Variants in PDZRN4 observed in about 807,000 individuals in gnomAD.
PDZRN4 encodes the protein PDZ domain containing ring finger 4.
Under a neutral mutation model 99.0 loss-of-function variants are expected in PDZRN4, and 70 were observed. The observed-to-expected ratio is 0.71, with a 90% CI of 0.58 to 0.86. PDZRN4 has a LOEUF of 0.86. Ranked by LOEUF, PDZRN4 falls within the 40% of genes least tolerant of loss-of-function variation. The probability of loss-of-function intolerance (pLI) is 0.00; values close to 1 mark genes in which losing one functional copy is unlikely to be tolerated. For synonymous variants in PDZRN4, 551 were observed against 501.6 expected, an observed-to-expected ratio of 1.10 and a Z score of -1.32; for missense variants, 1,474 against 1,331.2, an observed-to-expected ratio of 1.11 and a Z score of -1.67.
At chr12:41,510,906 A>G (rs1938293803) in intron 5 of PDZRN4, among the ~76,000 whole-genome samples, 1 of 152,140 alleles carries the variant, frequency 6.6e-6, no homozygotes, top group South Asian at 2.1e-4. Context: ...ACAACTGGTA[A>G]CTGAGTAGAT....
chr12:41,310,540 A>T (rs1350969970), intron 3 of PDZRN4, among the ~76,000 whole-genome samples: 1 of 152,114 alleles, frequency 6.6e-6, no homozygotes, highest in Non-Finnish European at 1.5e-5. Context: ...TGCTATCCTT[A>T]GGACCTAAGT....
chr12:41,378,662 A>G (rs1592035108), intron 3 of PDZRN4, among the ~76,000 whole-genome samples: 1 of 151,688 alleles, frequency 6.6e-6, no homozygotes, highest in East Asian at 1.9e-4. Flanking sequence ...AGCTGGGATT[A>G]CAGGTGCATG....
intron 3 of PDZRN4, among the ~76,000 whole-genome samples, chr12:41,361,931 C>G (rs1951966039): frequency 6.6e-6 from 1 of 151,986 alleles, no homozygotes; most frequent in Non-Finnish European, 1.5e-5. Context: ...TCGCGTCGCA[C>G]CAGCTCCTAC....
intron 3 of PDZRN4, among the ~76,000 whole-genome samples, chr12:41,367,874 A>T (rs1952013262): frequency 6.6e-6 from 1 of 152,122 alleles, no homozygotes; most frequent in Admixed American, 6.6e-5. Context: ...CAAAAGGCAG[A>T]AGGATTCTTT....
intron 3 of PDZRN4, among the ~76,000 whole-genome samples, chr12:41,356,901 G>C (rs572647202): frequency 6.6e-6 from 1 of 151,922 alleles, no homozygotes; most frequent in Non-Finnish European, 1.5e-5. Context: ...TCATTGTTGA[G>C]TGATTTTAAG....
intron 4 of PDZRN4, 138 bp downstream of exon 4, chr12:41,506,850 C>A: frequency 2.1e-6 from 2 of 930,914 alleles, no homozygotes; most frequent in Non-Finnish European, 1.6e-6. Context: ...AAATGTCTCC[C>A]CTGTTTTGAT....
intron 5 of PDZRN4, among the ~76,000 whole-genome samples, chr12:41,539,445 A>G (rs529080481): frequency 6.6e-6 from 1 of 152,212 alleles, no homozygotes; most frequent in Admixed American, 6.5e-5. Context: ...AACAAGAAAA[A>G]GAACAGAGAA....
chr12:41,266,534 C>A (rs1951278424), intron 3 of PDZRN4, among the ~76,000 whole-genome samples: 1 of 152,170 alleles, frequency 6.6e-6, no homozygotes, highest in African/African-American at 2.4e-5. Context: ...CCAGGCTACT[C>A]TTTGACCCAG....
chr12:41,449,821 T>C (rs532761853), intron 3 of PDZRN4, among the ~76,000 whole-genome samples: 5 of 152,360 alleles, frequency 3.3e-5, no homozygotes, highest in African/African-American at 9.6e-5. Flanking sequence ...CACTATTTTG[T>C]GTAAAAATAC....
At chr12:41,371,763 G>A (rs1402385682) in intron 3 of PDZRN4, among the ~76,000 whole-genome samples, 1 of 152,150 alleles carries the variant, frequency 6.6e-6, no homozygotes, top group Non-Finnish European at 1.5e-5. Context: ...GCATTTTAAT[G>A]TATGTGTTGT....
At chr12:41,352,404 T>G (rs1951896935) in intron 3 of PDZRN4, among the ~76,000 whole-genome samples, 1 of 152,132 alleles carries the variant, frequency 6.6e-6, no homozygotes, top group South Asian at 2.1e-4. Context: ...GGTGATTTAT[T>G]TGGGTGACTG....
At chr12:41,363,331 A>G (rs1243285832) in intron 3 of PDZRN4, among the ~76,000 whole-genome samples, 1 of 152,138 alleles carries the variant, frequency 6.6e-6, no homozygotes, top group Admixed American at 6.6e-5. Context: ...TTATTTAAGA[A>G]CATATTTGAA....
At chr12:41,333,459 A>G (rs2120998235) in intron 3 of PDZRN4, among the ~76,000 whole-genome samples, 1 of 152,226 alleles carries the variant, frequency 6.6e-6, no homozygotes, top group South Asian at 2.1e-4. Context: ...TTGGCTCCTC[A>G]GTGGTCTGAC....
intron 3 of PDZRN4, among the ~76,000 whole-genome samples, chr12:41,411,374 T>C (rs142991779): frequency 2.6e-5 from 4 of 152,284 alleles, no homozygotes; most frequent in African/African-American, 9.6e-5. Context: ...AAGATGGCAG[T>C]CCCATGTGCC....
At chr12:41,360,602 A>G (rs1402535935) in intron 3 of PDZRN4, among the ~76,000 whole-genome samples, 1 of 152,108 alleles carries the variant, frequency 6.6e-6, no homozygotes. Flanking sequence ...AGAACACTGC[A>G]TAGTGAGTTA....
intron 3 of PDZRN4, among the ~76,000 whole-genome samples, chr12:41,297,661 A>G (rs1466083639): frequency 6.6e-6 from 1 of 152,154 alleles, no homozygotes; most frequent in East Asian, 1.9e-4. Context: ...GACATATAAA[A>G]TATTCCTCTT....
intron 3 of PDZRN4, among the ~76,000 whole-genome samples, chr12:41,457,589 C>A (rs1331531664): frequency 6.6e-6 from 1 of 151,952 alleles, no homozygotes; most frequent in Non-Finnish European, 1.5e-5. Flanking sequence ...TTATTGTGTC[C>A]ATTTGAGTCA....
At chr12:41,525,087 A>T (rs1333254304) in intron 5 of PDZRN4, among the ~76,000 whole-genome samples, 1 of 152,106 alleles carries the variant, frequency 6.6e-6, no homozygotes, top group Admixed American at 6.6e-5. Flanking sequence ...GGAGGCAAAA[A>T]TCAGGAGTTT....
At chr12:41,200,187 C>T (rs1028405263) in intron 3 of PDZRN4, among the ~76,000 whole-genome samples, 4 of 152,110 alleles carry the variant, frequency 2.6e-5, no homozygotes, top group East Asian at 3.9e-4. Context: ...GAGGCAGCCT[C>T]ATAGCTTCAG....
Sources: gnomAD v4.1 joint callset for allele counts (sites outside exome capture counted in the v4.1 genomes callset) on GRCh38, gnomAD v4.1.1 for gene constraint, MANE v1.5 for transcripts, NCBI Gene and HGNC (gene_info 2026-07-23, HGNC 2026-07-21) for gene names.